CBFA2T2: variants seen among roughly 807,000 people sequenced by gnomAD.
CBFA2T2 encodes protein CBFA2T2.
Under a neutral mutation model 62.2 loss-of-function variants are expected in CBFA2T2, and 11 were observed. The ratio of observed to expected loss-of-function variants is 0.18; its 90% CI spans 0.11 to 0.29. CBFA2T2 has a LOEUF of 0.29. Ranked by LOEUF, CBFA2T2 falls within the 10% of genes least tolerant of loss-of-function variation. The pLI is 1.00. For synonymous variants in CBFA2T2, 295 were observed against 287.5 expected (o/e 1.03, Z -0.27); for missense variants, 592 against 774.1 (o/e 0.76, Z 2.79).
rs891327450 is a variant in CBFA2T2 at position 33,624,643 on chromosome 20, T to G, written c.693-121T>G. Reference sequence around the variant, plus strand: ...CTCATGCCTCATGTCACACCTTTCCTTAGAGGCTTCCTGTTTATGCCAGCA... The same window carrying G: ...CTCATGCCTCATGTCACACCTTTCCGTAGAGGCTTCCTGTTTATGCCAGCA... On this transcript the variant is annotated intron_variant, in intron 5 of 10. Transcript: ENST00000342704. 8.2e-6 allele frequency: 9 copies of G among 1,098,948 alleles called. No homozygotes were observed. The Admixed American group carries it at 1.9e-4, about 23-fold the overall frequency. The allele number at this position is 1,098,948 out of a possible 1,614,324, so 68.1% of individuals were successfully genotyped here. A position where few individuals can be genotyped will look rare whatever the true frequency, so the allele number is the denominator to read the frequency against.
chr20:33,499,624 A>G (rs909964102), intron 1 of CBFA2T2, among the ~76,000 whole-genome samples: 1 of 152,224 alleles, frequency 6.6e-6, no homozygotes, highest in Non-Finnish European at 1.5e-5. Context: ...AAATGAGTCA[A>G]TAAGCAGATA....
intron 1 of CBFA2T2, among the ~76,000 whole-genome samples, chr20:33,602,731 A>G (rs981513589): frequency 1.2e-4 from 18 of 152,120 alleles, no homozygotes; most frequent in Non-Finnish European, 2.4e-4. Flanking sequence ...GATGTCAGCA[A>G]CCTCAGCATA....
chr20:33,514,697 TTTA>T (rs914863061), intron 1 of CBFA2T2, among the ~76,000 whole-genome samples: 3 of 151,820 alleles, frequency 2.0e-5, no homozygotes, highest in Non-Finnish European at 4.4e-5. Flanking sequence ...ATTTATTTAT[TTTA>T]TTATTATTAT....
chr20:33,573,888 G>T, intron 1 of CBFA2T2: 1 of 271,026 alleles, frequency 3.7e-6, no homozygotes, highest in Non-Finnish European at 7.1e-6. Context: ...TCAGGTAGTT[G>T]TCCCACCTCA....
At chr20:33,643,825 A>ATGTG (rs58366038) in intron 10 of CBFA2T2, among the ~76,000 whole-genome samples, 5,825 of 72,970 alleles carry the variant, frequency 0.08, 432 homozygotes, top group African/African-American at 0.13. Flanking sequence ...ATAGTATATA[A>ATGTG]TGTGTGTGTG....
chr20:33,545,228 A>G (rs912785127), intron 1 of CBFA2T2, among the ~76,000 whole-genome samples: 3 of 152,240 alleles, frequency 2.0e-5, no homozygotes, highest in Admixed American at 6.5e-5. Flanking sequence ...ACTGAAAACT[A>G]TAAAACATTA....
intron 1 of CBFA2T2, among the ~76,000 whole-genome samples, chr20:33,586,452 G>A (rs1045033105): frequency 1.3e-5 from 2 of 151,966 alleles, no homozygotes; most frequent in South Asian, 2.1e-4. Context: ...TTGTTATCTC[G>A]GTTATAGACA....
chr20:33,553,438 G>T (rs868630090), intron 1 of CBFA2T2, among the ~76,000 whole-genome samples: 3 of 152,148 alleles, frequency 2.0e-5, no homozygotes, highest in African/African-American at 2.4e-5. Context: ...CACCATATTG[G>T]TCAGGCTGGT....
intron 10 of CBFA2T2, among the ~76,000 whole-genome samples, chr20:33,641,323 G>A (rs1388267345): frequency 6.6e-6 from 1 of 152,100 alleles, no homozygotes; most frequent in African/African-American, 2.4e-5. Context: ...TAACAGGTTG[G>A]GTGTATCTGC....
At position 33,619,584 on chromosome 20, in the gene CBFA2T2, CT is replaced by C; in HGVS notation, c.492del (p.Phe164LeufsTer2). ...LQEATNFPLR[P>X]FVIPFLKANL... ...GAAGCCACAAACTTTCCCCTTCGTCCTTTTGTGATTCCATTTCTCAAGGTAA... is the reference window on the plus strand; with the variant it reads ...GAAGCCACAAACTTTCCCCTTCGTCCTTTGTGATTCCATTTCTCAAGGTAA... On this transcript the variant is annotated frameshift_variant, in exon 4 of 11. Coordinates refer to ENST00000342704, the MANE Select transcript of CBFA2T2 (RefSeq NM_001032999.3). LOFTEE classifies it high-confidence loss of function. 6.2e-7 allele frequency: 1 copy of C among 1,605,104 alleles called. No individual in the cohort carries two copies. Among genetic ancestry groups the C allele is most frequent in the Non-Finnish European group, 8.5e-7 (1 of 1,175,020 alleles).
chr20:33,611,261 A>G lies in CBFA2T2; in HGVS notation c.346A>G (p.Thr116Ala). 6.2e-7 allele frequency: 1 copy of G among 1,613,800 alleles called. No individual in the cohort carries two copies. Among genetic ancestry groups the G allele is most frequent in the Non-Finnish European group, 8.5e-7 (1 of 1,179,952 alleles). The change falls in exon 3 of 11, where the codon ACT (threonine) becomes GCT (alanine). Residue 116 changes from threonine (T) to alanine (A), a missense_variant. Coordinates refer to ENST00000342704, the MANE Select transcript of CBFA2T2 (RefSeq NM_001032999.3). ...CAGCAAGTTGAAACGCTTTCTTACC[A>G]CTCTGCAACAGTTTGGCAATGACAT... is the stretch of plus-strand genomic sequence containing the variant. ...QLSKLKRFLT[T>A]LQQFGNDISP... is the part of the protein sequence containing the mutation.
chr20:33,568,923 A>G (rs752656902), intron 1 of CBFA2T2, among the ~76,000 whole-genome samples: 3 of 152,186 alleles, frequency 2.0e-5, no homozygotes, highest in African/African-American at 4.8e-5. Context: ...AACATTTTAC[A>G]AGCAAAACTA....
intron 10 of CBFA2T2, among the ~76,000 whole-genome samples, chr20:33,642,278 G>A (rs982000969): frequency 3.3e-5 from 5 of 151,868 alleles, no homozygotes; most frequent in African/African-American, 9.7e-5. Context: ...GAGCCACCAC[G>A]CCCAGCTTCT....
intron 9 of CBFA2T2, among the ~76,000 whole-genome samples, chr20:33,637,700 G>A (rs1261989722): frequency 1.3e-5 from 2 of 149,386 alleles, no homozygotes; most frequent in Non-Finnish European, 3.0e-5. Context: ...GGAGTTTCGC[G>A]CTTGTTGCCC....
intron 1 of CBFA2T2, among the ~76,000 whole-genome samples, chr20:33,602,437 T>TA (rs199791529): frequency 0.06 from 7,954 of 132,172 alleles, 437 homozygotes; most frequent in African/African-American, 0.15. Flanking sequence ...AGTCTCTGAT[T>TA]AAAAAAAAAA....
chr20:33,539,699 T>C (rs1289701053), intron 1 of CBFA2T2, among the ~76,000 whole-genome samples: 1 of 151,682 alleles, frequency 6.6e-6, no homozygotes, highest in Non-Finnish European at 1.5e-5. Flanking sequence ...TTTTTTTTTT[T>C]TTGGTAGAAG....
rs538611153 is a variant in CBFA2T2, at chr20:33,545,735, A to G, written c.34+55434A>G. ...AATGCTGGGATTACAGGCGTGAGCCAACATACTCAGACTTTTTCTTATCTT... is the reference window on the plus strand; with the variant it reads ...AATGCTGGGATTACAGGCGTGAGCCGACATACTCAGACTTTTTCTTATCTT... On this transcript the variant is annotated intron_variant, in intron 1 of 10. Coordinates refer to ENST00000342704, the MANE Select transcript of CBFA2T2 (RefSeq NM_001032999.3). Among the ~76,000 whole-genome samples the G allele has an allele frequency of 4.7e-4, 72 of 152,394 alleles. 2 individuals carry two copies. In the South Asian group the frequency reaches 0.014, roughly 31 times the overall value.
At chr20:33,522,688 A>G (rs1229274394) in intron 1 of CBFA2T2, among the ~76,000 whole-genome samples, 1 of 152,202 alleles carries the variant, frequency 6.6e-6, no homozygotes, top group African/African-American at 2.4e-5. Flanking sequence ...GGCTGCAGTG[A>G]GGCATGATTG....
At chr20:33,623,517 T>C (rs1209096246) in intron 5 of CBFA2T2, among the ~76,000 whole-genome samples, 2 of 152,190 alleles carry the variant, frequency 1.3e-5, no homozygotes, top group Non-Finnish European at 2.9e-5. Flanking sequence ...CTCAGCCTCC[T>C]GAGTATCTGG....
Sources: gnomAD v4.1 joint callset for allele counts (sites outside exome capture counted in the v4.1 genomes callset) on GRCh38, gnomAD v4.1.1 for gene constraint, MANE v1.5 for transcripts, NCBI Gene and HGNC (gene_info 2026-07-23, HGNC 2026-07-21) for gene names.